ROBO2: variants seen among roughly 807,000 people sequenced by gnomAD.
ROBO2 encodes the protein roundabout homolog 2.
In ROBO2, 53 loss-of-function variants were observed where a neutral mutation model predicts 160.8. That is an observed-to-expected ratio of 0.33 (90% CI 0.26 to 0.41). The LOEUF (loss-of-function observed/expected upper bound fraction) is 0.41. Among genes scored for constraint, ROBO2 ranks in the 10% least tolerant of loss-of-function variants. The probability of loss-of-function intolerance (pLI) is 1.00; values close to 1 mark genes in which losing one functional copy is unlikely to be tolerated. For synonymous variants in ROBO2, 664 were observed against 611.7 expected (o/e 1.09, Z -1.26); for missense variants, 1,577 against 1,722.4 (o/e 0.92, Z 1.49).
chr3:76,514,726 T>A (rs2081265691), intron 2 of ROBO2, among the ~76,000 whole-genome samples: 1 of 152,156 alleles, frequency 6.6e-6, no homozygotes, highest in Non-Finnish European at 1.5e-5. Context: ...TCAACTCACT[T>A]TCTCTAGCTA....
At chr3:77,254,340 T>C (rs1050045549) in intron 2 of ROBO2, among the ~76,000 whole-genome samples, 2 of 152,230 alleles carry the variant, frequency 1.3e-5, no homozygotes, top group Non-Finnish European at 1.5e-5. Flanking sequence ...CATTTTTTAA[T>C]TGAATCAATA....
At chr3:76,410,957 G>T (rs2075455149) in intron 2 of ROBO2, among the ~76,000 whole-genome samples, 1 of 152,020 alleles carries the variant, frequency 6.6e-6, no homozygotes, top group African/African-American at 2.4e-5. Flanking sequence ...CAGAGTGAGT[G>T]TAATAAATCC....
intron 2 of ROBO2, among the ~76,000 whole-genome samples, chr3:77,254,253 C>A (rs1389335963): frequency 2.0e-5 from 3 of 152,036 alleles, no homozygotes; most frequent in Admixed American, 1.3e-4. Context: ...GTGACAGAGA[C>A]CCTATCTCAA....
At chr3:76,403,127 C>T (rs1309178671) in intron 2 of ROBO2, among the ~76,000 whole-genome samples, 1 of 151,500 alleles carries the variant, frequency 6.6e-6, no homozygotes, top group Non-Finnish European at 1.5e-5. Flanking sequence ...ATTCCCTTGG[C>T]ATAAACCTCT....
chr3:76,033,059 A>C (rs1187451869), intron 2 of ROBO2, among the ~76,000 whole-genome samples: 1 of 152,030 alleles, frequency 6.6e-6, no homozygotes, highest in East Asian at 1.9e-4. Context: ...TAAAAGTAAG[A>C]ATAAATAGTA....
intron 2 of ROBO2, among the ~76,000 whole-genome samples, chr3:76,960,115 G>T (rs1013845516): frequency 7.0e-6 from 1 of 142,954 alleles, no homozygotes; most frequent in African/African-American, 3.0e-5. Context: ...GTCAAAAATT[G>T]TTTTTGACAT....
intron 2 of ROBO2, among the ~76,000 whole-genome samples, chr3:75,978,862 T>G (rs936803527): frequency 2.0e-5 from 3 of 151,602 alleles, no homozygotes; most frequent in Non-Finnish European, 4.4e-5. Context: ...ATCACTGGAA[T>G]GGAGCGAAGT....
intron 2 of ROBO2, among the ~76,000 whole-genome samples, chr3:77,342,000 A>G (rs1164705186): frequency 6.6e-6 from 1 of 152,174 alleles, no homozygotes; most frequent in Non-Finnish European, 1.5e-5. Context: ...AAATTGCTGG[A>G]TATTAAGAAT....
intron 2 of ROBO2, among the ~76,000 whole-genome samples, chr3:76,094,313 A>G (rs1425192167): frequency 2.6e-5 from 4 of 152,240 alleles, no homozygotes; most frequent in Admixed American, 6.5e-5. Context: ...AGAAGCAGGA[A>G]GGAGACCTGC....
At chr3:76,545,245 G>A (rs2083031872) in intron 2 of ROBO2, among the ~76,000 whole-genome samples, 1 of 151,910 alleles carries the variant, frequency 6.6e-6, no homozygotes, top group Non-Finnish European at 1.5e-5. Flanking sequence ...ATTCCGAAAT[G>A]CATGTGATTC....
intron 2 of ROBO2, among the ~76,000 whole-genome samples, chr3:77,363,090 A>G (rs1004153868): frequency 1.3e-5 from 2 of 152,152 alleles, no homozygotes; most frequent in African/African-American, 4.8e-5. Flanking sequence ...CAAGAACAAA[A>G]GAATTGAAAG....
chr3:77,548,158 C>A (rs950987607), intron 7 of ROBO2, among the ~76,000 whole-genome samples: 4 of 149,608 alleles, frequency 2.7e-5, no homozygotes, highest in African/African-American at 7.3e-5. Context: ...CATACACATA[C>A]ACACACACAC....
intron 2 of ROBO2, among the ~76,000 whole-genome samples, chr3:76,467,689 A>AC (rs2078434889): frequency 6.6e-6 from 1 of 152,084 alleles, no homozygotes; most frequent in African/African-American, 2.4e-5. Context: ...CCTGAAGTAT[A>AC]CTGGGCTTTA....
At chr3:76,418,212 A>G (rs2075832844) in intron 2 of ROBO2, among the ~76,000 whole-genome samples, 1 of 151,378 alleles carries the variant, frequency 6.6e-6, no homozygotes, top group African/African-American at 2.4e-5. Flanking sequence ...AGGTCACTAT[A>G]TAACTGTCGC....
intron 2 of ROBO2, among the ~76,000 whole-genome samples, chr3:76,251,843 A>G (rs1484608396): frequency 1.3e-5 from 2 of 152,106 alleles, no homozygotes; most frequent in Non-Finnish European, 2.9e-5. Context: ...GATTTCTTTC[A>G]TTAAGCAAAT....
At chr3:76,256,017 A>G (rs1440347115) in intron 2 of ROBO2, among the ~76,000 whole-genome samples, 1 of 152,104 alleles carries the variant, frequency 6.6e-6, no homozygotes, top group Non-Finnish European at 1.5e-5. Context: ...ACTTACCCTG[A>G]GCCAGGTGCA....
chr3:77,322,945 T>TTATATTATGGATAATATAATATATTAC (rs2064931272), intron 2 of ROBO2, among the ~76,000 whole-genome samples: 41 of 73,746 alleles, frequency 5.6e-4, no homozygotes, highest in Non-Finnish European at 1.2e-3. Flanking sequence ...TAATATATTA[T>TTATATTATGGATAATATAATATATTAC]ATTATATTAT....
intron 2 of ROBO2, among the ~76,000 whole-genome samples, chr3:76,554,751 A>G (rs2083606993): frequency 6.6e-6 from 1 of 152,164 alleles, no homozygotes; most frequent in African/African-American, 2.4e-5. Context: ...ATTTTATTTT[A>G]AAATGAGCAG....
At chr3:76,091,280 C>T (rs1202068768) in intron 2 of ROBO2, among the ~76,000 whole-genome samples, 3 of 151,910 alleles carry the variant, frequency 2.0e-5, no homozygotes, top group African/African-American at 4.8e-5. Flanking sequence ...AGGCGTGAAC[C>T]GACACCTCAC....
Sources: gnomAD v4.1 joint callset for allele counts (sites outside exome capture counted in the v4.1 genomes callset) on GRCh38, gnomAD v4.1.1 for gene constraint, MANE v1.5 for transcripts, NCBI Gene and HGNC (gene_info 2026-07-23, HGNC 2026-07-21) for gene names.